Variants in NID1 observed in about 807,000 individuals in gnomAD.
NID1 encodes nidogen 1, also known as nidogen-1.
Under a neutral mutation model 130.6 loss-of-function variants are expected in NID1, and 76 were observed. The ratio of observed to expected loss-of-function variants is 0.58; its 90% CI spans 0.48 to 0.70. The LOEUF (loss-of-function observed/expected upper bound fraction) is 0.70, where lower values mean the gene tolerates loss of function less well. Ranked by LOEUF, NID1 falls within the 30% of genes least tolerant of loss-of-function variation. NID1 has a pLI of 0.00. For missense variants in NID1, 1,517 were observed against 1,664.8 expected, an observed-to-expected ratio of 0.91 and a Z score of 1.54; for synonymous variants, 665 against 675.1, an observed-to-expected ratio of 0.98 and a Z score of 0.23.
chr1:236,003,187 T>TAATA (rs1658134864), intron 12 of NID1, among the ~76,000 whole-genome samples: 1 of 145,314 alleles, frequency 6.9e-6, no homozygotes. Flanking sequence ...AGTGAACGAC[T>TAATA]GGTAGTTGTC....
chr1:236,049,968 G>A lies in NID1; in HGVS notation c.226-979C>T, dbSNP rs1056023089. Among the ~76,000 whole-genome samples, 7 of 151,764 alleles carry A rather than the reference G, an allele frequency of 4.6e-5. No individual in the cohort carries two copies. The East Asian group carries it at 7.8e-4, about 17-fold the overall frequency. ...GGAGAATCACTTGAACCCAGGAAGC[G>A]GAGGTTGCAATGAGCCAAGATTGCA... On this transcript the variant is annotated intron_variant, in intron 1 of 19. Coordinates refer to ENST00000264187, the MANE Select transcript of NID1 (RefSeq NM_002508.3).
chr1:236,017,301 G>A, intron 9 of NID1, 28 bp from the exon 10 acceptor site: 1 of 1,611,806 alleles, frequency 6.2e-7, no homozygotes, highest in Non-Finnish European at 8.5e-7. Context: ...TTTTACTGCA[G>A]GCTTTTTTTT....
intron 3 of NID1, among the ~76,000 whole-genome samples, chr1:236,044,565 C>T (rs955382452): frequency 2.0e-5 from 3 of 152,102 alleles, no homozygotes; most frequent in Middle Eastern, 3.2e-3. Flanking sequence ...GGTTCCTCTG[C>T]CCTCATAAAA....
chr1:236,018,335 A>G (rs936203541), intron 9 of NID1, among the ~76,000 whole-genome samples: 1 of 152,212 alleles, frequency 6.6e-6, no homozygotes, highest in Admixed American at 6.5e-5. Context: ...TCTTCTGCAG[A>G]TTACGGAAAA....
intron 12 of NID1, among the ~76,000 whole-genome samples, chr1:235,998,656 CAA>C (rs1558426721): frequency 6.7e-6 from 1 of 149,604 alleles, no homozygotes; most frequent in African/African-American, 2.5e-5. Context: ...GCCTGGACGA[CAA>C]GAGCAAAACT....
chr1:236,057,741 G>T (rs1337833571), intron 1 of NID1, among the ~76,000 whole-genome samples: 7 of 150,308 alleles, frequency 4.7e-5, no homozygotes, highest in Admixed American at 4.7e-4. Flanking sequence ...GAAAAAGAGA[G>T]AGAGAGAAAG....
At chr1:236,015,956 C>A (rs952201210) in intron 10 of NID1, among the ~76,000 whole-genome samples, 1 of 152,130 alleles carries the variant, frequency 6.6e-6, no homozygotes, top group Non-Finnish European at 1.5e-5. Flanking sequence ...GGTCACCATG[C>A]TCCACACAGG....
chr1:235,989,654 C>T (rs1474102228), intron 14 of NID1, among the ~76,000 whole-genome samples: 1 of 152,192 alleles, frequency 6.6e-6, no homozygotes, highest in Non-Finnish European at 1.5e-5. Context: ...TCACATAGTG[C>T]CAAGAGCGCT....
intron 3 of NID1, 57 bp downstream of exon 3, chr1:236,045,400 T>G: frequency 8.0e-7 from 1 of 1,256,520 alleles, no homozygotes; most frequent in Admixed American, 1.7e-5. Flanking sequence ...ACACATTACA[T>G]TATCCACATT....
In NID1 at chr1:236,016,394, G is replaced by A. The variant is rs142068912; in HGVS notation, c.2254+754C>T. On this transcript the variant is annotated intron_variant, in intron 10 of 19. Coordinates refer to ENST00000264187, the MANE Select transcript of NID1 (RefSeq NM_002508.3). Reference sequence around the variant, plus strand: ...ACAGTGAGGAAGAGGCAAGAAGATGGTTTGCTGACATGGTACAAGAGGAAT... The same window carrying A: ...ACAGTGAGGAAGAGGCAAGAAGATGATTTGCTGACATGGTACAAGAGGAAT... Among the ~76,000 whole-genome samples, 678 of 152,290 alleles carry A rather than the reference G, an allele frequency of 4.5e-3. 2 individuals are homozygous for A. Among genetic ancestry groups the A allele is most frequent in the Admixed American group, 0.01 (155 of 15,290 alleles).
chr1:236,045,158 C>CATT (rs1572617341), intron 3 of NID1, among the ~76,000 whole-genome samples: 1 of 141,532 alleles, frequency 7.1e-6, no homozygotes, highest in Non-Finnish European at 1.5e-5. Context: ...GAGATTGTGC[C>CATT]ATTGCACTCC....
intron 5 of NID1, among the ~76,000 whole-genome samples, chr1:236,035,621 G>A (rs1345097507): frequency 6.6e-6 from 1 of 151,878 alleles, no homozygotes; most frequent in African/African-American, 2.4e-5. Flanking sequence ...CAGTGTAAAA[G>A]TGTTCCTATT....
intron 1 of NID1, among the ~76,000 whole-genome samples, chr1:236,053,208 T>C (rs1305376377): frequency 6.6e-6 from 1 of 152,212 alleles, no homozygotes; most frequent in Non-Finnish European, 1.5e-5. Flanking sequence ...AGAGCTCACA[T>C]TTATTTATTT....
intron 11 of NID1, 97 bp downstream of exon 11, chr1:236,013,314 T>C (rs1658486455): frequency 1.5e-6 from 2 of 1,333,044 alleles, no homozygotes. Context: ...GAATTCTTTC[T>C]TCTATTTGGG....
intron 12 of NID1, among the ~76,000 whole-genome samples, chr1:236,009,035 T>C (rs965050244): frequency 6.6e-6 from 1 of 152,218 alleles, no homozygotes; most frequent in African/African-American, 2.4e-5. Context: ...ATATTCCGAC[T>C]GAGAAATAAA....
intron 12 of NID1, among the ~76,000 whole-genome samples, chr1:236,009,997 G>C (rs776791348): frequency 6.6e-6 from 1 of 152,164 alleles, no homozygotes; most frequent in Non-Finnish European, 1.5e-5. Flanking sequence ...GAGTTTTCAA[G>C]AGGGGACAAA....
Position 236,039,159 on chromosome 1 carries a change from T to C in NID1, c.1136-906A>G, listed in dbSNP as rs558264841. 8.0e-3 allele frequency among the ~76,000 whole-genome samples: 1,163 copies of C among 145,134 alleles called. 16 individuals are homozygous for C. Among genetic ancestry groups the C allele is most frequent in the African/African-American group, 0.026 (1,035 of 39,936 alleles). The stretch of plus-strand genomic sequence containing the variant: ...CAATATATTACATTATAATACATTA[T>C]AACAGATAAAATATATTTATATGTT... On this transcript the variant is annotated intron_variant, in intron 4 of 19. Transcript: ENST00000264187.
intron 1 of NID1, among the ~76,000 whole-genome samples, chr1:236,062,751 A>G (rs550387833): frequency 9.2e-5 from 14 of 152,286 alleles, no homozygotes; most frequent in African/African-American, 3.4e-4. Flanking sequence ...TTCATATCAC[A>G]TCATAGTTGC....
chr1:236,024,126 G>A lies in NID1; in HGVS notation c.2072C>T (p.Thr691Ile), dbSNP rs747469356. 3.7e-6 allele frequency: 6 copies of A among 1,614,250 alleles called. No homozygotes were observed. Among genetic ancestry groups the A allele is most frequent in the Admixed American group, 1.7e-5 (1 of 60,030 alleles). Residue 691 changes from threonine to isoleucine, a missense_variant, in exon 9 of 20, where the codon ACA (threonine) becomes ATA (isoleucine). This residue lies in a region of NID1 where 1,329 missense variants were observed against 1,429.2 expected (regional missense o/e 0.93). Coordinates refer to ENST00000264187, the MANE Select transcript of NID1 (RefSeq NM_002508.3). ...TNAACRPGPRTQFTCECSIGF... is the reference protein window; with the variant it reads ...TNAACRPGPRIQFTCECSIGF... Reference sequence around the variant, plus strand: ...GATGGAGCACTCGCAGGTGAACTGTGTCCTGGGACCAGGGCGACAGGCCGC... The same window carrying A: ...GATGGAGCACTCGCAGGTGAACTGTATCCTGGGACCAGGGCGACAGGCCGC...
Sources: allele counts gnomAD v4.1 joint callset (sites outside exome capture counted in the v4.1 genomes callset), GRCh38; gene constraint gnomAD v4.1.1; regional missense constraint gnomAD v4.1.1; transcripts MANE v1.5; gene names NCBI Gene and HGNC (gene_info 2026-07-23, HGNC 2026-07-21).